The following TMEM114 variants were observed in gnomAD, a reference collection of about 807,000 sequenced individuals.
TMEM114 encodes the protein claudin-26.
A neutral mutation model predicts 6.2 loss-of-function variants in TMEM114; 6 were observed. That is an observed-to-expected ratio of 0.97 (90% CI 0.53 to 1.91). The LOEUF (loss-of-function observed/expected upper bound fraction) is 1.91. Ranked by LOEUF, TMEM114 falls within the 40% of genes most tolerant of loss-of-function variation. The pLI, the probability that TMEM114 is intolerant of heterozygous loss-of-function variation, is 0.01. For missense variants in TMEM114, 218 were observed against 158.3 expected (o/e 1.38, Z -2.02); for synonymous variants, 104 against 73.0 (o/e 1.42, Z -2.16).
chr16:8,553,846 C>T (rs909742997), intron 2 of TMEM114, among the ~76,000 whole-genome samples: 1 of 151,848 alleles, frequency 6.6e-6, no homozygotes, highest in African/African-American at 2.4e-5. Context: ...ATTACAGGCT[C>T]ACACCACTAT....
chr16:8,578,130 G>A (rs1377195785), intron 2 of TMEM114, among the ~76,000 whole-genome samples: 1 of 152,118 alleles, frequency 6.6e-6, no homozygotes, highest in Non-Finnish European at 1.5e-5. Flanking sequence ...AAATAGGTGG[G>A]CAGTGGCGGT....
At chr16:8,557,809 C>A (rs751140674) in intron 2 of TMEM114, among the ~76,000 whole-genome samples, 2 of 152,200 alleles carry the variant, frequency 1.3e-5, no homozygotes, top group Non-Finnish European at 2.9e-5. Context: ...CATCTGGTAA[C>A]GTGAGCTGTT....
chr16:8,549,934 C>T (rs1900789250), intron 2 of TMEM114, among the ~76,000 whole-genome samples: 3 of 152,190 alleles, frequency 2.0e-5, no homozygotes. Context: ...CCAGTAGTGG[C>T]TCAGTCCGAG....
chr16:8,584,880 C>G (rs946910652), intron 2 of TMEM114, among the ~76,000 whole-genome samples: 2 of 147,414 alleles, frequency 1.4e-5, no homozygotes, highest in Non-Finnish European at 3.0e-5. Flanking sequence ...CGAGATCGCG[C>G]CATTGCACTC....
At chr16:8,536,607 T>G (rs1448169448), downstream of TMEM114, among the ~76,000 whole-genome samples, 1 of 152,244 alleles carries the variant, frequency 6.6e-6, no homozygotes, top group African/African-American at 2.4e-5. Context: ...ACAAAGCCAT[T>G]CTTGCACCCT....
At chr16:8,573,584 T>TTA (rs1555465035) in intron 2 of TMEM114, among the ~76,000 whole-genome samples, 2 of 152,088 alleles carry the variant, frequency 1.3e-5, no homozygotes, top group Admixed American at 6.5e-5. Context: ...GTTTTTTTTT[T>TTA]ATCCATCCTT....
At chr16:8,552,071 G>C (rs539771267) in intron 2 of TMEM114, among the ~76,000 whole-genome samples, 1 of 152,074 alleles carries the variant, frequency 6.6e-6, no homozygotes, top group East Asian at 1.9e-4. Flanking sequence ...ATTTCCAGGG[G>C]TGAAACAAGG....
intron 2 of TMEM114, among the ~76,000 whole-genome samples, chr16:8,560,223 C>A (rs536677603): frequency 6.6e-5 from 10 of 151,634 alleles, no homozygotes; most frequent in Non-Finnish European, 1.3e-4. Context: ...GGCTCAAACT[C>A]CTGGGCTCAA....
At chr16:8,581,984 A>G (rs1902167388) in intron 2 of TMEM114, among the ~76,000 whole-genome samples, 1 of 152,112 alleles carries the variant, frequency 6.6e-6, no homozygotes, top group African/African-American at 2.4e-5. Flanking sequence ...TTATGTCCCC[A>G]TCCTTGCTCT....
intron 2 of TMEM114, among the ~76,000 whole-genome samples, chr16:8,577,649 T>C (rs1901987202): frequency 6.6e-6 from 1 of 152,068 alleles, no homozygotes; most frequent in Admixed American, 6.6e-5. Flanking sequence ...AATGGTGCCA[T>C]CTCAGATCAC....
At chr16:8,565,652 G>A (rs1446275077), downstream of TMEM114, among the ~76,000 whole-genome samples, 1 of 152,176 alleles carries the variant, frequency 6.6e-6, no homozygotes, top group Non-Finnish European at 1.5e-5. Flanking sequence ...GGCCCTGGGA[G>A]GCCCCTCCCT....
At chr16:8,557,601 A>G (rs1231757763) in intron 2 of TMEM114, among the ~76,000 whole-genome samples, 1 of 152,204 alleles carries the variant, frequency 6.6e-6, no homozygotes. Flanking sequence ...GCAGCTACGA[A>G]GAAATGTATG....
At chr16:8,550,677 A>G (rs1900811265) in intron 2 of TMEM114, among the ~76,000 whole-genome samples, 1 of 70,722 alleles carries the variant, frequency 1.4e-5, no homozygotes, top group South Asian at 5.6e-4. Context: ...AAACTTCGTC[A>G]AAAAAAACAA....
chr16:8,562,685 TGAGG>T (rs531801941), intron 2 of TMEM114, among the ~76,000 whole-genome samples: 1,469 of 150,710 alleles, frequency 9.7e-3, no homozygotes, highest in Non-Finnish European at 0.014. Context: ...AATGAGTGAG[TGAGG>T]GAATGAGTGA....
chr16:8,561,908 ATGAATGAGTAAGTGAATGAG>A (rs1901227528), intron 2 of TMEM114, among the ~76,000 whole-genome samples: 1 of 119,164 alleles, frequency 8.4e-6, no homozygotes. Context: ...AAATGAGTGA[ATGAATGAGTAAGTGAATGAG>A]TGAGTGAGTA....
chr16:8,548,139 T>C (rs542949356), intron 2 of TMEM114, among the ~76,000 whole-genome samples: 1 of 152,304 alleles, frequency 6.6e-6, no homozygotes, highest in South Asian at 2.1e-4. Flanking sequence ...TTAGACACCG[T>C]GAGTTTGAAT....
At chr16:8,557,615 C>T (rs1901056651) in intron 2 of TMEM114, among the ~76,000 whole-genome samples, 2 of 152,160 alleles carry the variant, frequency 1.3e-5, no homozygotes, top group South Asian at 2.1e-4. Flanking sequence ...ATGTATGTGG[C>T]CCTTAAGAAC....
intron 2 of TMEM114, among the ~76,000 whole-genome samples, chr16:8,550,668 A>G (rs1328510336): frequency 6.7e-6 from 1 of 150,098 alleles, no homozygotes; most frequent in Non-Finnish European, 1.5e-5. Context: ...ACAAGAGCAA[A>G]ACTTCGTCAA....
At chr16:8,580,836 G>A (rs768920409) in intron 2 of TMEM114, among the ~76,000 whole-genome samples, 26 of 152,046 alleles carry the variant, frequency 1.7e-4, no homozygotes, top group Non-Finnish European at 3.1e-4. Flanking sequence ...GACCACAGGC[G>A]CATGCCACCA....
Sources: gnomAD v4.1 joint callset for allele counts (sites outside exome capture counted in the v4.1 genomes callset) on GRCh38, gnomAD v4.1.1 for gene constraint, MANE v1.5 for transcripts, NCBI Gene and HGNC (gene_info 2026-07-23, HGNC 2026-07-21) for gene names.